Variants in JHY observed in about 807,000 individuals in gnomAD.
JHY encodes jhy protein homolog.
JHY carries 69 observed loss-of-function variants against 78.0 expected under a neutral mutation model. That is an observed-to-expected ratio of 0.88 (90% CI 0.73 to 1.08). The LOEUF (loss-of-function observed/expected upper bound fraction) is 1.08, where lower values mean the gene tolerates loss of function less well. Among genes scored for constraint, JHY ranks in the 50% least tolerant of loss-of-function variants. JHY has a pLI of 0.00. For synonymous variants in JHY, 368 were observed against 342.6 expected, an observed-to-expected ratio of 1.07 and a Z score of -0.82; for missense variants, 944 against 927.8, an observed-to-expected ratio of 1.02 and a Z score of -0.23.
chr11:122,928,102 A>G lies in JHY; in HGVS notation c.978+3092A>G, dbSNP rs147935653. Among the ~76,000 whole-genome samples, 221 of 152,270 alleles carry G rather than the reference A, an allele frequency of 1.5e-3. 1 individual carries two copies. Among genetic ancestry groups the G allele is most frequent in the Middle Eastern group, 0.01 (3 of 294 alleles). On this transcript the variant is annotated intron_variant, in intron 4 of 8. Coordinates refer to ENST00000227349, the MANE Select transcript of JHY (RefSeq NM_024806.4). ...TATTTTTCTCTACATCCCCTACCAC[A>G]GTGCTTTGCCCAAGGCTGATGCTCA... is the stretch of plus-strand genomic sequence containing the variant.
Position 122,946,722 on chromosome 11 carries a change from G to A in JHY, c.1859G>A (p.Arg620His), listed in dbSNP as rs532253251. 34 of 1,613,960 alleles carry A rather than the reference G, an allele frequency of 2.1e-5. No homozygotes were observed. The African/African-American group carries it at 2.1e-4, about 10-fold the overall frequency. Residue 620 changes from arginine to histidine, a missense_variant, in exon 6 of 9, where the codon CGT (arginine) becomes CAT (histidine). Transcript: ENST00000227349. Reference sequence around the variant, plus strand: ...CAAAGAAACCAAGTGAAAATTAGCCGTAGCAATTCTGAAGGCTATCTGTTT... The same window carrying A: ...CAAAGAAACCAAGTGAAAATTAGCCATAGCAATTCTGAAGGCTATCTGTTT... ...RSQRNQVKIS[R>H]SNSEGYLFQL...
At chr11:122,884,583 C>G (rs1378026993) in intron 1 of JHY, among the ~76,000 whole-genome samples, 2 of 152,112 alleles carry the variant, frequency 1.3e-5, no homozygotes, top group African/African-American at 2.4e-5. Flanking sequence ...TTCCATGGCT[C>G]TTTATAATGA....
chr11:122,922,606 A>T (rs59615047), intron 3 of JHY, among the ~76,000 whole-genome samples: 7,936 of 151,928 alleles, frequency 0.052, 233 homozygotes, highest in East Asian at 0.082. Flanking sequence ...GTCAGGAGAT[A>T]GAGACCATCC....
Position 122,961,008 on chromosome 11 carries a change from C to A in JHY, c.*1563C>A. On this transcript the variant is annotated 3_prime_UTR_variant, in exon 9 of 9. Transcript: ENST00000227349. The stretch of plus-strand genomic sequence containing the variant: ...TTGGGTGCAGAGCATCTCTGCACAA[C>A]AGGAAAAGGAGACAATTGCCAAGTG... 1.0e-6 allele frequency: 1 copy of A among 992,016 alleles called. No individual in the cohort carries two copies. Among genetic ancestry groups the A allele is most frequent in the South Asian group, 1.3e-5 (1 of 78,746 alleles). The allele number at this position is 992,016 out of a possible 1,614,324, so 61.5% of individuals were successfully genotyped here.
intron 6 of JHY, among the ~76,000 whole-genome samples, chr11:122,949,308 G>A (rs752608974): frequency 2.0e-4 from 30 of 151,912 alleles, no homozygotes; most frequent in African/African-American, 6.8e-4. Context: ...TGTGTAGGAC[G>A]GGGGGATCAT....
At position 122,961,123 on chromosome 11, in the gene JHY, TTGAC is replaced by T. The variant is rs1323979309; in HGVS notation, c.*1684_*1687del. On this transcript the variant is annotated 3_prime_UTR_variant, in exon 9 of 9. Coordinates refer to ENST00000227349, the MANE Select transcript of JHY (RefSeq NM_024806.4). ...TCCCAATTGAGAGAGCCAGAAACAG[TTGAC>T]TGACTAAATGGAAACTAGGCTATGT... 11 of 816,738 alleles carry T rather than the reference TTGAC, an allele frequency of 1.3e-5. No homozygotes were observed. The African/African-American group carries it at 1.9e-4, about 14-fold the overall frequency. 50.6% of individuals were successfully genotyped at this position (816,738 alleles called of 1,614,324 possible). A position where few individuals can be genotyped will look rare whatever the true frequency, so the allele number is the denominator to read the frequency against.
intron 3 of JHY, among the ~76,000 whole-genome samples, chr11:122,907,489 C>G (rs1045950589): frequency 5.3e-5 from 8 of 152,098 alleles, no homozygotes; most frequent in African/African-American, 1.7e-4. Flanking sequence ...GGGGGAATGG[C>G]ATTTCTAGAG....
intron 5 of JHY, among the ~76,000 whole-genome samples, chr11:122,940,925 A>G (rs1265975414): frequency 6.6e-6 from 1 of 151,418 alleles, no homozygotes; most frequent in Non-Finnish European, 1.5e-5. Context: ...AACATGTTAA[A>G]GTCTATTACC....
At position 122,957,679 on chromosome 11, in the gene JHY, C is replaced by G. The variant is rs555284874; in HGVS notation, c.2139+188C>G. ...CCAAGTGTTGGGAGAGGCACCACAC[C>G]CAGCCCGTTTTCTTGTAACTTAAAA... is the stretch of plus-strand genomic sequence containing the variant. On this transcript the variant is annotated intron_variant, in intron 8 of 8. Transcript: ENST00000227349. 2.0e-5 allele frequency among the ~76,000 whole-genome samples: 3 copies of G among 151,064 alleles called. No individual in the cohort carries two copies. In the South Asian group the frequency reaches 6.3e-4, roughly 32 times the overall value.
Position 122,904,071 on chromosome 11 carries a change from A to G in JHY, c.491A>G (p.Tyr164Cys), listed in dbSNP as rs147035469. ...SLENLPLAPLYPSQETSMELS... is the reference protein window; with the variant it reads ...SLENLPLAPLCPSQETSMELS... The stretch of plus-strand genomic sequence containing the variant: ...GAAAATCTGCCTTTGGCTCCCCTCT[A>G]CCCTTCCCAGGAGACGTCAATGGAA... The change falls in exon 3 of 9, where the codon TAC becomes TGC. Residue 164 changes from tyrosine (Y) to cysteine (C), a missense_variant. Coordinates refer to ENST00000227349, the MANE Select transcript of JHY (RefSeq NM_024806.4). 44 of 1,614,038 alleles carry G rather than the reference A, an allele frequency of 2.7e-5. No homozygotes were observed. The African/African-American group carries it at 3.9e-4, about 14-fold the overall frequency.
chr11:122,926,398 A>C (rs1863507932), intron 4 of JHY, among the ~76,000 whole-genome samples: 1 of 152,140 alleles, frequency 6.6e-6, no homozygotes, highest in Non-Finnish European at 1.5e-5. Context: ...AACATAGTAA[A>C]AATAATAATG....
At chr11:122,957,685 C>T (rs762529933) in intron 8 of JHY, among the ~76,000 whole-genome samples, 194 bp downstream of exon 8, 5 of 150,438 alleles carry the variant, frequency 3.3e-5, no homozygotes, top group Non-Finnish European at 7.4e-5. Context: ...ACACCCAGCC[C>T]GTTTTCTTGT....
At chr11:122,904,494 T>TAA (rs1411366231) in intron 3 of JHY, 50 bp downstream of exon 3, 2 of 1,552,954 alleles carry the variant, frequency 1.3e-6, no homozygotes, top group Non-Finnish European at 1.7e-6. Flanking sequence ...AACCAGAATT[T>TAA]GCGTTTGTTT....
At position 122,961,579 on chromosome 11, in the gene JHY, T is replaced by C. The variant is rs993241611; in HGVS notation, c.*2134T>C. Reference sequence around the variant, plus strand: ...CATGTTGACCAGGCTGGTCTTGAACTCCTGATCTCAGGTGATCCGCCCACC... The same window carrying C: ...CATGTTGACCAGGCTGGTCTTGAACCCCTGATCTCAGGTGATCCGCCCACC... On this transcript the variant is annotated 3_prime_UTR_variant, in exon 9 of 9. Coordinates refer to ENST00000227349, the MANE Select transcript of JHY (RefSeq NM_024806.4). Among the ~76,000 whole-genome samples, 1 of 152,202 alleles carries C rather than the reference T, an allele frequency of 6.6e-6. No individual in the cohort carries two copies. The highest frequency in any genetic ancestry group is 2.1e-4 in the South Asian group (1 of 4,830).
At chr11:122,906,446 T>G (rs1376553034) in intron 3 of JHY, among the ~76,000 whole-genome samples, 1 of 152,142 alleles carries the variant, frequency 6.6e-6, no homozygotes, top group African/African-American at 2.4e-5. Flanking sequence ...TCCTTCTACC[T>G]TGGCTCCCAA....
intron 5 of JHY, among the ~76,000 whole-genome samples, chr11:122,941,636 G>A (rs1018785040): frequency 1.1e-4 from 17 of 152,188 alleles, no homozygotes; most frequent in African/African-American, 4.1e-4. Flanking sequence ...TCTTGGTAGA[G>A]GTAATCAGTT....
chr11:122,893,963 A>G (rs1862679863), intron 2 of JHY, among the ~76,000 whole-genome samples: 2 of 152,094 alleles, frequency 1.3e-5, no homozygotes, highest in African/African-American at 2.4e-5. Flanking sequence ...AGACCACTCC[A>G]TTGCCTTCTT....
In JHY at chr11:122,959,317, C is replaced by CA; in HGVS notation, c.2216dup (p.Asn739LysfsTer13). 1 of 1,614,002 alleles carries CA rather than the reference C, an allele frequency of 6.2e-7. No homozygotes were observed. The highest frequency in any genetic ancestry group is 8.5e-7 in the Non-Finnish European group (1 of 1,179,998). The stretch of plus-strand genomic sequence containing the variant: ...TCTGACTCATCAAGCATCAAAGGAA[C>CA]AAAAAAATCCAACCTATGCTGGGAA... On this transcript the variant is annotated frameshift_variant, in exon 9 of 9. Transcript: ENST00000227349. LOFTEE classifies it high-confidence loss of function.
chr11:122,936,965 C>T (rs1863770460), intron 5 of JHY, among the ~76,000 whole-genome samples: 1 of 152,096 alleles, frequency 6.6e-6, no homozygotes, highest in South Asian at 2.1e-4. Context: ...ATAGAATTTT[C>T]CTCTAAAACT....
Sources: gnomAD v4.1 joint callset for allele counts (sites outside exome capture counted in the v4.1 genomes callset) on GRCh38, gnomAD v4.1.1 for gene constraint, MANE v1.5 for transcripts, NCBI Gene and HGNC (gene_info 2026-07-23, HGNC 2026-07-21) for gene names.